Variants in SEC63 observed in about 807,000 individuals in gnomAD.
The protein encoded by SEC63 is SEC63 protein translocation regulator, also known as translocation protein SEC63 homolog.
SEC63 carries 56 observed loss-of-function variants against 116.2 expected under a neutral mutation model. The ratio of observed to expected loss-of-function variants is 0.48; its 90% CI spans 0.39 to 0.60. The LOEUF (loss-of-function observed/expected upper bound fraction) is 0.60. SEC63 is among the 20% of genes least tolerant of loss of function. The pLI is 0.00. For missense variants in SEC63, 668 were observed against 900.0 expected, an observed-to-expected ratio of 0.74 and a Z score of 3.30; for synonymous variants, 273 against 294.6, an observed-to-expected ratio of 0.93 and a Z score of 0.75.
At chr6:107,919,098 T>C (rs561199814) in intron 4 of SEC63, among the ~76,000 whole-genome samples, 3 of 151,980 alleles carry the variant, frequency 2.0e-5, no homozygotes, top group Admixed American at 1.3e-4. Flanking sequence ...TTAGTAGAGA[T>C]AGAGTTTTCT....
At chr6:107,953,105 C>A (rs1260999073) in intron 1 of SEC63, among the ~76,000 whole-genome samples, 1 of 152,052 alleles carries the variant, frequency 6.6e-6, no homozygotes, top group African/African-American at 2.4e-5. Flanking sequence ...ACTAAAAATA[C>A]AAAAATAAGC....
chr6:107,876,189 C>T (rs1014778862), intron 19 of SEC63, among the ~76,000 whole-genome samples: 1 of 152,142 alleles, frequency 6.6e-6, no homozygotes, highest in African/African-American at 2.4e-5. Context: ...CTCAAGAAAT[C>T]CACATCATCA....
chr6:107,933,411 A>G (rs1787854802), intron 1 of SEC63, among the ~76,000 whole-genome samples: 1 of 152,200 alleles, frequency 6.6e-6, no homozygotes, highest in African/African-American at 2.4e-5. Context: ...ACACCACCTC[A>G]ATCAAGTGAT....
rs1786037926 is a variant in SEC63 at position 107,868,135 on chromosome 6, G to T, written c.*3569C>A. The T allele has an allele frequency of 7.3e-6, 1 of 137,290 alleles. No homozygotes were observed. Among genetic ancestry groups the T allele is most frequent in the Admixed American group, 7.3e-5 (1 of 13,608 alleles). The allele number at this position is 137,290 out of a possible 1,614,324, so 8.5% of individuals were successfully genotyped here. A position where few individuals can be genotyped will look rare whatever the true frequency, so the allele number is the denominator to read the frequency against. ...CACTACACAGCTGGCAAAATGTTATGGTTCACCAACAGTTATTTCACTTTA... is the reference window on the plus strand; with the variant it reads ...CACTACACAGCTGGCAAAATGTTATTGTTCACCAACAGTTATTTCACTTTA... On this transcript the variant is annotated 3_prime_UTR_variant, in exon 21 of 21. Coordinates refer to ENST00000369002, the MANE Select transcript of SEC63 (RefSeq NM_007214.5).
chr6:107,950,612 G>A (rs970261862), intron 1 of SEC63, among the ~76,000 whole-genome samples: 1 of 152,156 alleles, frequency 6.6e-6, no homozygotes, highest in African/African-American at 2.4e-5. Context: ...TGAGTATACT[G>A]AGATACACAG....
At chr6:107,903,472 G>T (rs1787057251) in intron 11 of SEC63, among the ~76,000 whole-genome samples, 1 of 152,070 alleles carries the variant, frequency 6.6e-6, no homozygotes, top group Non-Finnish European at 1.5e-5. Context: ...AAGCTGAAGT[G>T]GGAGGATTGC....
chr6:107,933,685 C>T (rs1246062711), intron 1 of SEC63, among the ~76,000 whole-genome samples: 3 of 151,452 alleles, frequency 2.0e-5, no homozygotes, highest in African/African-American at 7.3e-5. Flanking sequence ...CCTGCCCCTG[C>T]CCCTGCCCCT....
At chr6:107,912,611 C>T in intron 6 of SEC63, 105 bp downstream of exon 6, 1 of 731,668 alleles carries the variant, frequency 1.4e-6, no homozygotes, top group Non-Finnish European at 2.5e-6. Context: ...GAATGGCACA[C>T]CAGTATTTTC....
chr6:107,888,579 T>G (rs1014461208), intron 16 of SEC63, among the ~76,000 whole-genome samples: 1 of 152,182 alleles, frequency 6.6e-6, no homozygotes, highest in East Asian at 1.9e-4. Flanking sequence ...CTGAACACTC[T>G]TTATTTCTTT....
chr6:107,885,815 A>G (rs967788064), intron 16 of SEC63, among the ~76,000 whole-genome samples: 3 of 152,206 alleles, frequency 2.0e-5, no homozygotes, highest in Admixed American at 2.0e-4. Flanking sequence ...AATAATCAAT[A>G]GAATGAACTA....
At chr6:107,939,913 G>C (rs573271741) in intron 1 of SEC63, among the ~76,000 whole-genome samples, 2 of 152,254 alleles carry the variant, frequency 1.3e-5, no homozygotes, top group South Asian at 4.1e-4. Flanking sequence ...AAGTCATCCA[G>C]TAATCTTAAT....
chr6:107,894,712 T>C (rs1786773745), intron 14 of SEC63, among the ~76,000 whole-genome samples: 1 of 151,854 alleles, frequency 6.6e-6, no homozygotes, highest in South Asian at 2.1e-4. Flanking sequence ...ATTTTTAGGC[T>C]CTATACAATA....
intron 2 of SEC63, among the ~76,000 whole-genome samples, chr6:107,927,614 GT>G (rs901106078): frequency 6.6e-6 from 1 of 151,970 alleles, no homozygotes; most frequent in Non-Finnish European, 1.5e-5. Context: ...CTTCATAAAA[GT>G]TTTTTTCCTT....
At chr6:107,894,374 AAG>A (rs1467697394) in intron 14 of SEC63, among the ~76,000 whole-genome samples, 20 of 152,330 alleles carry the variant, frequency 1.3e-4, no homozygotes, top group Admixed American at 9.8e-4. Context: ...ACCTGAGACT[AAG>A]AACTGAATCA....
Position 107,944,380 on chromosome 6 carries a change from C to T in SEC63, c.124+13506G>A, listed in dbSNP as rs1369388509. On this transcript the variant is annotated intron_variant, in intron 1 of 20. Coordinates refer to ENST00000369002, the MANE Select transcript of SEC63 (RefSeq NM_007214.5). ...GAAATGTGGGTTAAGCACTTATACA[C>T]ACAAGTCTGGAGTCTGAGGAAAGAA... 2.6e-5 allele frequency among the ~76,000 whole-genome samples: 4 copies of T among 152,152 alleles called. No individual in the cohort carries two copies. In the East Asian group the frequency reaches 5.8e-4, roughly 22 times the overall value.
At chr6:107,894,752 A>T (rs1786774421) in intron 14 of SEC63, among the ~76,000 whole-genome samples, 1 of 152,064 alleles carries the variant, frequency 6.6e-6, no homozygotes, top group Non-Finnish European at 1.5e-5. Context: ...GTCAACTCTG[A>T]ACAGTCCACA....
intron 4 of SEC63, among the ~76,000 whole-genome samples, chr6:107,913,962 G>C (rs1787342655): frequency 6.6e-6 from 1 of 152,148 alleles, no homozygotes. Flanking sequence ...CTGTGGGTAA[G>C]GTAATTTGCA....
At chr6:107,901,625 A>G (rs1787006649) in intron 12 of SEC63, 108 bp from the exon 13 acceptor site, 3 of 776,168 alleles carry the variant, frequency 3.9e-6, no homozygotes, top group Non-Finnish European at 6.2e-6. Context: ...AACTTTTAGA[A>G]AAGTGTTGAT....
rs1172034858 is a variant in SEC63 at position 107,931,861 on chromosome 6, C to T, written c.125-2347G>A. 6 of 152,274 alleles carry T rather than the reference C, an allele frequency of 3.9e-5. No individual in the cohort carries two copies. The East Asian group carries it at 1.2e-3, about 29-fold the overall frequency. 9.4% of individuals were successfully genotyped at this position (152,274 alleles called of 1,614,324 possible). A position where few individuals can be genotyped will look rare whatever the true frequency, so the allele number is the denominator to read the frequency against. The stretch of plus-strand genomic sequence containing the variant: ...CCCAAAGCCAAAGTCAAAGCAAAGG[C>T]TTTGAAAGAACAAGAAGGCAGTGCT... On this transcript the variant is annotated intron_variant, in intron 1 of 20. Transcript: ENST00000369002.
Sources: gnomAD v4.1 joint callset for allele counts (sites outside exome capture counted in the v4.1 genomes callset) on GRCh38, gnomAD v4.1.1 for gene constraint, MANE v1.5 for transcripts, NCBI Gene and HGNC (gene_info 2026-07-23, HGNC 2026-07-21) for gene names.